Variants in CHCHD6 observed in about 807,000 individuals in gnomAD.
The protein encoded by CHCHD6 is coiled-coil-helix-coiled-coil-helix domain containing 6, also known as MICOS complex subunit MIC25.
Under a neutral mutation model 32.3 loss-of-function variants are expected in CHCHD6, and 28 were observed. The ratio of observed to expected loss-of-function variants is 0.87; its 90% CI spans 0.64 to 1.19. The LOEUF (loss-of-function observed/expected upper bound fraction) is 1.19, where lower values mean the gene tolerates loss of function less well. Ranked by LOEUF, CHCHD6 falls within the 50% of genes most tolerant of loss-of-function variation. The pLI is 0.00. For synonymous variants in CHCHD6, 122 were observed against 117.5 expected (o/e 1.04, Z -0.25); for missense variants, 333 against 307.0 (o/e 1.08, Z -0.63).
At position 126,758,828 on chromosome 3, in the gene CHCHD6, CT is replaced by C. The variant is rs768244045; in HGVS notation, c.411+25610del. On this transcript the variant is annotated intron_variant, in intron 4 of 7. Transcript: ENST00000290913. ...TCTCTCATTACCTCCAGAATGTGTT[CT>C]TTTAGAAAGCCACCCTTTCTGTCTA... Among the ~76,000 whole-genome samples, 35 of 152,296 alleles carry C rather than the reference CT, an allele frequency of 2.3e-4. 1 individual carries two copies. Among genetic ancestry groups the C allele is most frequent in the Middle Eastern group, 3.4e-3 (1 of 294 alleles).
rs983274181 is a variant in CHCHD6, at chr3:126,743,328, G to T, written c.411+10106G>T. Among the ~76,000 whole-genome samples the T allele has an allele frequency of 6.6e-5, 10 of 152,302 alleles. No homozygotes were observed. The East Asian group carries it at 1.4e-3, about 21-fold the overall frequency. ...CCTGGGCTTATTTGGATTTTGTGGA[G>T]CCTCCCCCATTACCAAATCACAGGT... On this transcript the variant is annotated intron_variant, in intron 4 of 7. Coordinates refer to ENST00000290913, the MANE Select transcript of CHCHD6 (RefSeq NM_032343.3).
intron 4 of CHCHD6, among the ~76,000 whole-genome samples, chr3:126,789,268 C>T (rs1322289536): frequency 2.6e-4 from 40 of 151,936 alleles, no homozygotes; most frequent in Non-Finnish European, 4.4e-4. Flanking sequence ...GGAATAAGTG[C>T]GGTGTGGTGC....
intron 6 of CHCHD6, among the ~76,000 whole-genome samples, chr3:126,930,326 T>G (rs1224112754): frequency 1.3e-5 from 2 of 152,244 alleles, no homozygotes; most frequent in African/African-American, 4.8e-5. Context: ...CATTGAAGAC[T>G]TCCTTTCTAG....
chr3:126,836,208 G>A (rs1272725753), intron 4 of CHCHD6, among the ~76,000 whole-genome samples: 1 of 152,200 alleles, frequency 6.6e-6, no homozygotes, highest in Non-Finnish European at 1.5e-5. Context: ...TTCATGCTGC[G>A]TCTCACCACT....
Position 126,774,421 on chromosome 3 carries a change from TATC to T in CHCHD6, c.411+41202_411+41204del, listed in dbSNP as rs1464048866. Among the ~76,000 whole-genome samples, 11 of 152,208 alleles carry T rather than the reference TATC, an allele frequency of 7.2e-5. No homozygotes were observed. In the East Asian group the frequency reaches 1.5e-3, roughly 21 times the overall value. On this transcript the variant is annotated intron_variant, in intron 4 of 7. Coordinates refer to ENST00000290913, the MANE Select transcript of CHCHD6 (RefSeq NM_032343.3). The stretch of plus-strand genomic sequence containing the variant: ...CCTCAGAAGTTATATCTTGTGTAAA[TATC>T]ATACGATATCAAAACCAAAAAGTTG...
rs1013139108 is a variant in CHCHD6, at chr3:126,813,277, C to A, written c.412-39370C>A. ...GAGATGCTGTCTCTACCTTGTTGAA[C>A]GTATCAGGTTGTTATTTAGAATCAA... On this transcript the variant is annotated intron_variant, in intron 4 of 7. Coordinates refer to ENST00000290913, the MANE Select transcript of CHCHD6 (RefSeq NM_032343.3). Among the ~76,000 whole-genome samples, 3 of 152,186 alleles carry A rather than the reference C, an allele frequency of 2.0e-5. No individual in the cohort carries two copies. The East Asian group carries it at 5.8e-4, about 29-fold the overall frequency.
intron 6 of CHCHD6, among the ~76,000 whole-genome samples, chr3:126,948,372 A>C (rs1440716378): frequency 6.6e-6 from 1 of 152,188 alleles, no homozygotes; most frequent in African/African-American, 2.4e-5. Flanking sequence ...GCATTCCGGG[A>C]CACACATACT....
chr3:126,884,562 G>A (rs1056249432), intron 5 of CHCHD6, among the ~76,000 whole-genome samples: 1 of 152,222 alleles, frequency 6.6e-6, no homozygotes, highest in South Asian at 2.1e-4. Flanking sequence ...AACAAAAGCA[G>A]GTGTGTTGTT....
chr3:126,909,460 C>G (rs1203893238), intron 5 of CHCHD6, among the ~76,000 whole-genome samples: 2 of 152,220 alleles, frequency 1.3e-5, no homozygotes, highest in East Asian at 1.9e-4. Flanking sequence ...TGCTTTTGAT[C>G]TCACAGATCC....
intron 4 of CHCHD6, among the ~76,000 whole-genome samples, chr3:126,779,535 CAAAAAAAAAAA>C (rs11288509): frequency 1.3e-5 from 1 of 78,100 alleles, no homozygotes; most frequent in Non-Finnish European, 2.4e-5. Context: ...GACTCCATCT[CAAAAAAAAAAA>C]AAAAAAAAAA....
intron 4 of CHCHD6, among the ~76,000 whole-genome samples, chr3:126,851,848 A>T (rs1004641109): frequency 7.2e-5 from 11 of 152,162 alleles, no homozygotes; most frequent in Non-Finnish European, 1.0e-4. Context: ...AGCTTTACAC[A>T]TCATGCCTGA....
intron 4 of CHCHD6, among the ~76,000 whole-genome samples, chr3:126,846,886 T>A (rs1941314549): frequency 6.6e-6 from 1 of 152,204 alleles, no homozygotes; most frequent in Admixed American, 6.5e-5. Flanking sequence ...GCTCAACATT[T>A]TGTGTAAACA....
At chr3:126,796,522 T>G (rs747915981) in intron 4 of CHCHD6, among the ~76,000 whole-genome samples, 1 of 152,136 alleles carries the variant, frequency 6.6e-6, no homozygotes, top group African/African-American at 2.4e-5. Context: ...CTTAGGTAAT[T>G]TTTCCAAGAG....
intron 4 of CHCHD6, among the ~76,000 whole-genome samples, chr3:126,815,040 A>C (rs1245292107): frequency 6.6e-6 from 1 of 152,190 alleles, no homozygotes; most frequent in Non-Finnish European, 1.5e-5. Flanking sequence ...TTTTGGGCTC[A>C]CAGAAGTCTT....
At chr3:126,810,140 A>G (rs1349180772) in intron 4 of CHCHD6, among the ~76,000 whole-genome samples, 2 of 152,244 alleles carry the variant, frequency 1.3e-5, no homozygotes, top group Admixed American at 1.3e-4. Context: ...CCAAAAGAAC[A>G]AAATTTAATT....
chr3:126,740,148 C>T (rs1331140832), intron 4 of CHCHD6, among the ~76,000 whole-genome samples: 2 of 152,022 alleles, frequency 1.3e-5, no homozygotes, highest in African/African-American at 4.8e-5. Flanking sequence ...GACCTGAGTA[C>T]CTGAAGGGTT....
rs140116691 is a variant in CHCHD6 at position 126,831,173 on chromosome 3, G to A, written c.412-21474G>A. ...CGTGTAGCTGGGACTACAGGTGCCC[G>A]CCACCATGCCTGGCTAATTTTTTTT... On this transcript the variant is annotated intron_variant, in intron 4 of 7. Transcript: ENST00000290913. Among the ~76,000 whole-genome samples, 230 of 152,192 alleles carry A rather than the reference G, an allele frequency of 1.5e-3. 1 individual carries two copies. The highest frequency in any genetic ancestry group is 5.1e-3 in the African/African-American group (212 of 41,502).
intron 4 of CHCHD6, among the ~76,000 whole-genome samples, chr3:126,799,418 A>G (rs1257343498): frequency 1.3e-5 from 2 of 152,226 alleles, no homozygotes; most frequent in Non-Finnish European, 2.9e-5. Context: ...CACCCTTCTC[A>G]TAAAATGTAT....
intron 4 of CHCHD6, among the ~76,000 whole-genome samples, chr3:126,812,531 C>T (rs1939706919): frequency 6.6e-6 from 1 of 151,854 alleles, no homozygotes; most frequent in Admixed American, 6.6e-5. Flanking sequence ...TCAAGCAATT[C>T]TCCTGCCTCA....
Sources: gnomAD v4.1 joint callset for allele counts (sites outside exome capture counted in the v4.1 genomes callset) on GRCh38, gnomAD v4.1.1 for gene constraint, MANE v1.5 for transcripts, NCBI Gene and HGNC (gene_info 2026-07-23, HGNC 2026-07-21) for gene names.